Variants in PLXNC1 observed in about 807,000 individuals in gnomAD.
PLXNC1 encodes the protein plexin-C1.
In PLXNC1, 75 loss-of-function variants were observed where a neutral mutation model predicts 178.2. The ratio of observed to expected loss-of-function variants is 0.42; its 90% confidence interval spans 0.35 to 0.51. PLXNC1 has a LOEUF of 0.51. Among genes scored for constraint, PLXNC1 ranks in the 20% least tolerant of loss-of-function variants. The pLI, the probability that PLXNC1 is intolerant of heterozygous loss-of-function variation, is 0.02. For missense variants in PLXNC1, 1,503 were observed against 1,984.4 expected (o/e 0.76, Z 4.61); for synonymous variants, 790 against 779.9 (o/e 1.01, Z -0.22).
chr12:94,176,489 TC>T (rs1246708593), intron 2 of PLXNC1: 1 of 152,164 alleles, frequency 6.6e-6, no homozygotes, highest in African/African-American at 2.4e-5. Flanking sequence ...AACTAAAACT[TC>T]CTCTTGTCCT....
At chr12:94,243,900 A>T (rs1964455829) in intron 11 of PLXNC1, 38 bp from the exon 12 acceptor site, 1 of 1,003,476 alleles carries the variant, frequency 1.0e-6, no homozygotes, top group Non-Finnish European at 1.5e-6. Flanking sequence ...CCTGTGTGTT[A>T]GCTATGAAAC....
chr12:94,167,083 A>G (rs1435104352), intron 1 of PLXNC1, among the ~76,000 whole-genome samples: 2 of 152,184 alleles, frequency 1.3e-5, no homozygotes, highest in Non-Finnish European at 2.9e-5. Flanking sequence ...GGACAGCCAG[A>G]AATCAGAGAA....
At position 94,166,765 on chromosome 12, in the gene PLXNC1, C is replaced by T. The variant is rs114787568; in HGVS notation, c.1063-2388C>T. On this transcript the variant is annotated intron_variant, in intron 1 of 30. Transcript: ENST00000258526. ...TGATTTAATGGCTGCACCACTTACC[C>T]ATGCTACTTTTTTTTTTTTAAGGTA... Among the ~76,000 whole-genome samples the T allele has an allele frequency of 2.5e-3, 384 of 151,896 alleles. 2 individuals carry two copies. The highest frequency in any genetic ancestry group is 8.7e-3 in the African/African-American group (362 of 41,402).
chr12:94,268,643 G>A (rs1965394056), intron 21 of PLXNC1, among the ~76,000 whole-genome samples: 2 of 140,990 alleles, frequency 1.4e-5, no homozygotes, highest in African/African-American at 5.3e-5. Context: ...AGTGCAGGCT[G>A]GAGTGCAGTG....
chr12:94,230,638 G>T (rs551650883), intron 9 of PLXNC1, among the ~76,000 whole-genome samples: 1 of 152,348 alleles, frequency 6.6e-6, no homozygotes, highest in Admixed American at 6.5e-5. Context: ...CTCGTGCTCT[G>T]TCAAACACTG....
At chr12:94,234,958 G>A (rs1964202277) in intron 9 of PLXNC1, among the ~76,000 whole-genome samples, 1 of 152,186 alleles carries the variant, frequency 6.6e-6, no homozygotes, top group South Asian at 2.1e-4. Flanking sequence ...CAACCATACA[G>A]GGCAGCCATG....
At chr12:94,219,671 C>T (rs1963735330) in intron 5 of PLXNC1, among the ~76,000 whole-genome samples, 1 of 152,058 alleles carries the variant, frequency 6.6e-6, no homozygotes, top group South Asian at 2.1e-4. Context: ...TTAATATCTA[C>T]ACCATACAGA....
At chr12:94,215,966 A>G (rs1297739385) in intron 5 of PLXNC1, among the ~76,000 whole-genome samples, 1 of 152,158 alleles carries the variant, frequency 6.6e-6, no homozygotes, top group Non-Finnish European at 1.5e-5. Flanking sequence ...TCCTTTTACA[A>G]AAAATAAGAG....
chr12:94,197,866 A>G (rs967585968), intron 4 of PLXNC1, among the ~76,000 whole-genome samples: 1 of 152,166 alleles, frequency 6.6e-6, no homozygotes, highest in Non-Finnish European at 1.5e-5. Flanking sequence ...AATGGCCCTA[A>G]TGGAGCATTT....
intron 26 of PLXNC1, 88 bp from the exon 27 acceptor site, chr12:94,298,544 C>G: frequency 9.2e-7 from 1 of 1,082,262 alleles, no homozygotes; most frequent in Non-Finnish European, 1.3e-6. Flanking sequence ...ATTATTTTCT[C>G]TGAATGTGGA....
chr12:94,227,725 G>T (rs1015032021), intron 9 of PLXNC1, among the ~76,000 whole-genome samples: 7 of 152,052 alleles, frequency 4.6e-5, no homozygotes, highest in Non-Finnish European at 1.0e-4. Flanking sequence ...TATTTCTCTC[G>T]CCTTCTCACA....
chr12:94,157,646 AGC>A (rs1261235387), intron 1 of PLXNC1, among the ~76,000 whole-genome samples: 6 of 152,228 alleles, frequency 3.9e-5, no homozygotes, highest in Non-Finnish European at 7.3e-5. Context: ...TCTGTTCAAT[AGC>A]TACACATAGT....
chr12:94,278,078 A>G (rs1408351303), intron 21 of PLXNC1: 4 of 455,888 alleles, frequency 8.8e-6, no homozygotes, highest in South Asian at 6.2e-5. Context: ...CTGTCTCTGT[A>G]TGGGCGAGCA....
chr12:94,159,331 C>T (rs559087715), intron 1 of PLXNC1, among the ~76,000 whole-genome samples: 6 of 152,150 alleles, frequency 3.9e-5, no homozygotes, highest in East Asian at 1.9e-4. Flanking sequence ...GATGAAGAAA[C>T]GGAGGCACTT....
At chr12:94,259,181 G>C (rs1964930527) in intron 17 of PLXNC1, among the ~76,000 whole-genome samples, 156 bp from the exon 18 acceptor site, 1 of 152,168 alleles carries the variant, frequency 6.6e-6, no homozygotes, top group Non-Finnish European at 1.5e-5. Flanking sequence ...TATTTATTAT[G>C]TATTAGAGAA....
In PLXNC1 at chr12:94,209,840, A is replaced by G. The variant is rs73364666; in HGVS notation, c.1554+136A>G. 9.3e-3 allele frequency: 5,508 copies of G among 590,028 alleles called. 275 individuals are homozygous for G. The highest frequency in any genetic ancestry group is 0.092 in the African/African-American group (4,943 of 53,472). 36.5% of individuals were successfully genotyped at this position (590,028 alleles called of 1,614,324 possible). A position where few individuals can be genotyped will look rare whatever the true frequency, so the allele number is the denominator to read the frequency against. ...ATAGCACTCCATTCATTTAGCACTC[A>G]TTAACGAATATTGAGTGCCCACCAG... On this transcript the variant is annotated intron_variant, in intron 5 of 30. Transcript: ENST00000258526.
chr12:94,257,917 T>TAAA (rs139741394), intron 17 of PLXNC1, among the ~76,000 whole-genome samples: 5 of 132,654 alleles, frequency 3.8e-5, no homozygotes, highest in Non-Finnish European at 8.1e-5. Context: ...TCAAAAAAAA[T>TAAA]AATAAATAAA....
At chr12:94,256,471 A>G (rs1237268654) in intron 17 of PLXNC1, among the ~76,000 whole-genome samples, 3 of 148,840 alleles carry the variant, frequency 2.0e-5, no homozygotes, top group African/African-American at 5.0e-5. Flanking sequence ...CCTTTAACTT[A>G]TCCTCCAAGA....
chr12:94,271,069 T>C (rs1965540332), intron 21 of PLXNC1, among the ~76,000 whole-genome samples: 1 of 152,226 alleles, frequency 6.6e-6, no homozygotes, highest in Non-Finnish European at 1.5e-5. Context: ...GAAACTGAAT[T>C]TTCTTTCTTG....
Sources: gnomAD v4.1 joint callset for allele counts (sites outside exome capture counted in the v4.1 genomes callset) on GRCh38, gnomAD v4.1.1 for gene constraint, MANE v1.5 for transcripts, NCBI Gene and HGNC (gene_info 2026-07-23, HGNC 2026-07-21) for gene names.